FER1L6: variants seen among roughly 807,000 people sequenced by gnomAD.
The protein encoded by FER1L6 is fer-1-like protein 6.
A neutral mutation model predicts 219.2 loss-of-function variants in FER1L6; 177 were observed. That is an observed-to-expected ratio of 0.81 (90% confidence interval 0.71 to 0.91). The LOEUF (loss-of-function observed/expected upper bound fraction) is 0.91, where lower values mean the gene tolerates loss of function less well. Ranked by LOEUF, FER1L6 falls within the 40% of genes least tolerant of loss-of-function variation. The pLI is 0.00. For missense variants in FER1L6, 2,153 were observed against 2,259.9 expected (o/e 0.95, Z 0.96); for synonymous variants, 768 against 824.3 (o/e 0.93, Z 1.17).
chr8:124,119,915 G>C lies in FER1L6; in HGVS notation c.*125G>C. On this transcript the variant is annotated 3_prime_UTR_variant, in exon 41 of 41. Coordinates refer to ENST00000522917, the MANE Select transcript of FER1L6 (RefSeq NM_001039112.2). ...CTAAGGGGACAGATCAACCCTTCTT[G>C]GAAGAGATGGAAAAGAAACATTTCC... 1 of 964,204 alleles carries C rather than the reference G, an allele frequency of 1.0e-6. No homozygotes were observed. 59.7% of individuals were successfully genotyped at this position (964,204 alleles called of 1,614,324 possible).
In FER1L6 at chr8:124,003,498, TG is replaced by T. The variant is rs1054673858; in HGVS notation, c.1700+153del. On this transcript the variant is annotated intron_variant, in intron 13 of 40. Transcript: ENST00000522917. ...TTTTTTTTTGAGACGGAGTCTTGCT[TG>T]GTCACCAGACTGGAGTGCAGTGTGC... The T allele has an allele frequency of 2.6e-5, 16 of 609,944 alleles. No homozygotes were observed. The African/African-American group carries it at 3.2e-4, about 12-fold the overall frequency. The allele number at this position is 609,944 out of a possible 1,614,324, so 37.8% of individuals were successfully genotyped here. A position where few individuals can be genotyped will look rare whatever the true frequency, so the allele number is the denominator to read the frequency against.
intron 1 of FER1L6, among the ~76,000 whole-genome samples, chr8:123,923,401 G>A (rs182715089): frequency 2.0e-5 from 3 of 152,274 alleles, no homozygotes; most frequent in Admixed American, 2.0e-4. Flanking sequence ...ATATGAAATT[G>A]CCATCTGAAT....
At chr8:124,054,786 A>G (rs1454006461) in intron 22 of FER1L6, among the ~76,000 whole-genome samples, 1 of 152,224 alleles carries the variant, frequency 6.6e-6, no homozygotes, top group Non-Finnish European at 1.5e-5. Flanking sequence ...CGATGAGGCC[A>G]GTGGGAAAAG....
At chr8:123,952,087 C>T (rs1479442611) in intron 1 of FER1L6, among the ~76,000 whole-genome samples, 1 of 152,144 alleles carries the variant, frequency 6.6e-6, no homozygotes, top group Non-Finnish European at 1.5e-5. Context: ...ACATTAGCTA[C>T]GTGTACAGCT....
intron 33 of FER1L6, among the ~76,000 whole-genome samples, chr8:124,091,100 C>T (rs1486022660): frequency 6.6e-6 from 1 of 152,054 alleles, no homozygotes. Flanking sequence ...GATGGTTATA[C>T]CTCATTGTGA....
chr8:124,096,194 C>A (rs1247921665), intron 35 of FER1L6, among the ~76,000 whole-genome samples: 21 of 151,734 alleles, frequency 1.4e-4, no homozygotes, highest in Admixed American at 1.4e-3. Context: ...TGTTTGAAAT[C>A]ATCTGGTTAC....
intron 32 of FER1L6, among the ~76,000 whole-genome samples, chr8:124,080,519 T>C (rs1177924465): frequency 6.6e-6 from 1 of 152,148 alleles, no homozygotes; most frequent in Admixed American, 6.5e-5. Flanking sequence ...GGTTTCACCA[T>C]GTTGGCCAGG....
chr8:124,092,972 C>T lies in FER1L6; in HGVS notation c.4552+1389C>T, dbSNP rs184331710. On this transcript the variant is annotated intron_variant, in intron 34 of 40. Coordinates refer to ENST00000522917, the MANE Select transcript of FER1L6 (RefSeq NM_001039112.2). ...CCGGGTAGCTGGGATTACAGGCATG[C>T]GCCACCATACCTGACTAATTTTTGT... Among the ~76,000 whole-genome samples, 803 of 151,548 alleles carry T rather than the reference C, an allele frequency of 5.3e-3. 5 individuals carry two copies. Among genetic ancestry groups the T allele is most frequent in the Non-Finnish European group, 8.3e-3 (567 of 67,912 alleles).
At chr8:123,930,867 A>G (rs1161765824) in intron 1 of FER1L6, among the ~76,000 whole-genome samples, 2 of 151,944 alleles carry the variant, frequency 1.3e-5, no homozygotes, top group African/African-American at 4.8e-5. Flanking sequence ...TGGGATGGAG[A>G]TCACGTCTAT....
At position 124,097,396 on chromosome 8, in the gene FER1L6, C is replaced by A. The variant is rs770543112; in HGVS notation, c.4784+37C>A. 5 of 1,395,236 alleles carry A rather than the reference C, an allele frequency of 3.6e-6. No individual in the cohort carries two copies. The Admixed American group carries it at 6.9e-5, about 19-fold the overall frequency. 86.4% of individuals were successfully genotyped at this position (1,395,236 alleles called of 1,614,324 possible). A position where few individuals can be genotyped will look rare whatever the true frequency, so the allele number is the denominator to read the frequency against. Reference sequence around the variant, plus strand: ...GTAGCCCCAGCTTCAGGGGAAGAGACCAGGGTAGCAGATGAAAGAATCATG... The same window carrying A: ...GTAGCCCCAGCTTCAGGGGAAGAGAACAGGGTAGCAGATGAAAGAATCATG... On this transcript the variant is annotated intron_variant, in intron 36 of 40. Transcript: ENST00000522917.
chr8:124,098,016 C>T, intron 37 of FER1L6, 133 bp downstream of exon 37: 1 of 525,664 alleles, frequency 1.9e-6, no homozygotes, highest in Non-Finnish European at 3.4e-6. Flanking sequence ...TTTAAGGCCA[C>T]CTTCTTTGTC....
intron 18 of FER1L6, among the ~76,000 whole-genome samples, chr8:124,031,628 G>A (rs900668711): frequency 2.0e-4 from 30 of 152,306 alleles, no homozygotes; most frequent in African/African-American, 6.7e-4. Context: ...GGGAAATGGG[G>A]TTCTGGTTTC....
At position 123,974,659 on chromosome 8, in the gene FER1L6, C is replaced by CAAAAAAAAAAAAAAAAAAAAAAAAAAA. The variant is rs994690186; in HGVS notation, c.527-468_527-467insAAAAAAAAAAAAAAAAAAAAAAAAAAA. 3.5e-3 allele frequency among the ~76,000 whole-genome samples: 166 copies of CAAAAAAAAAAAAAAAAAAAAAAAAAAA among 47,760 alleles called. 3 individuals carry two copies. The highest frequency in any genetic ancestry group is 5.4e-3 in the Non-Finnish European group (120 of 22,380). 31.3% of individuals were successfully genotyped at this position (47,760 alleles called of 152,430 possible). On this transcript the variant is annotated intron_variant, in intron 7 of 40. Coordinates refer to ENST00000522917, the MANE Select transcript of FER1L6 (RefSeq NM_001039112.2). ...CAGGCATCACAGCGAGACTCTGTCT[C>CAAAAAAAAAAAAAAAAAAAAAAAAAAA]AAAAAAAAAAAAAAAAAAAAAAAGA...
At chr8:124,013,563 C>G in intron 15 of FER1L6, 32 bp downstream of exon 15, 1 of 1,470,600 alleles carries the variant, frequency 6.8e-7, no homozygotes, top group Non-Finnish European at 9.2e-7. Context: ...ATAGGCGGAG[C>G]TGAGCTTCTG....
chr8:123,999,051 C>G (rs1563733924), intron 12 of FER1L6, among the ~76,000 whole-genome samples: 2 of 152,184 alleles, frequency 1.3e-5, no homozygotes, highest in Non-Finnish European at 2.9e-5. Flanking sequence ...GGTGTTCTAC[C>G]TCATTGTGGC....
intron 12 of FER1L6, among the ~76,000 whole-genome samples, chr8:124,002,891 A>T (rs72714676): frequency 0.015 from 2,283 of 152,260 alleles, 23 homozygotes; most frequent in South Asian, 0.034. Flanking sequence ...TAAAATGGTT[A>T]TAACAGTTTT....
intron 1 of FER1L6, among the ~76,000 whole-genome samples, chr8:123,930,596 A>G (rs1329504637): frequency 6.6e-6 from 1 of 152,160 alleles, no homozygotes; most frequent in Non-Finnish European, 1.5e-5. Flanking sequence ...TCCTGTGCTC[A>G]GGGAGGGAGT....
chr8:124,022,965 T>G (rs557572090), intron 17 of FER1L6, among the ~76,000 whole-genome samples: 63 of 152,196 alleles, frequency 4.1e-4, no homozygotes, highest in African/African-American at 1.4e-3. Context: ...CAGGCTGGAG[T>G]GCAGTGGCAT....
At chr8:124,012,895 G>T (rs961423440) in intron 14 of FER1L6, among the ~76,000 whole-genome samples, 11 of 152,176 alleles carry the variant, frequency 7.2e-5, no homozygotes, top group African/African-American at 2.7e-4. Flanking sequence ...TAGGCCCAAA[G>T]GAAAAGTGTG....
Sources: allele counts gnomAD v4.1 joint callset (sites outside exome capture counted in the v4.1 genomes callset), GRCh38; gene constraint gnomAD v4.1.1; transcripts MANE v1.5; gene names NCBI Gene and HGNC (gene_info 2026-07-23, HGNC 2026-07-21).